The following CAPZB variants were observed in gnomAD, a reference collection of about 807,000 sequenced individuals.
CAPZB encodes capping actin protein of muscle Z-line subunit beta.
In CAPZB, 2 loss-of-function variants were observed where a neutral mutation model predicts 38.1. The ratio of observed to expected loss-of-function variants is 0.05; its 90% CI spans 0.02 to 0.17. CAPZB has a LOEUF of 0.17. Ranked by LOEUF, CAPZB falls within the 10% of genes least tolerant of loss-of-function variation. CAPZB has a pLI of 1.00. For synonymous variants in CAPZB, 107 were observed against 127.4 expected, an observed-to-expected ratio of 0.84 and a Z score of 1.08; for missense variants, 161 against 334.2, an observed-to-expected ratio of 0.48 and a Z score of 4.04.
At chr1:19,436,106 GT>G (rs1444590969) in intron 1 of CAPZB, among the ~76,000 whole-genome samples, 1 of 152,274 alleles carries the variant, frequency 6.6e-6, no homozygotes, top group Non-Finnish European at 1.5e-5. Flanking sequence ...CTGCAGTTTT[GT>G]TTTTTGGCAG....
intron 2 of CAPZB, among the ~76,000 whole-genome samples, chr1:19,402,979 G>A (rs2094311227): frequency 6.6e-6 from 1 of 152,114 alleles, no homozygotes; most frequent in East Asian, 1.9e-4. Context: ...AACCAGGGAG[G>A]CAGAGGTTGC....
In CAPZB at chr1:19,346,987, C is replaced by CTT. The variant is rs1328235103; in HGVS notation, c.589-1737_589-1736dup. ...TACAGGTGCCCACCACCACGTCCGG[C>CTT]TTTTTTTTATTTTTATTTTTATTTT... On this transcript the variant is annotated intron_variant, in intron 6 of 8. Transcript: ENST00000264202. Among the ~76,000 whole-genome samples, 169 of 149,218 alleles carry CTT rather than the reference C, an allele frequency of 1.1e-3. 1 individual carries two copies. The highest frequency in any genetic ancestry group is 4.1e-3 in the African/African-American group (164 of 40,358).
chr1:19,399,649 A>C (rs2094292394), intron 2 of CAPZB, among the ~76,000 whole-genome samples: 1 of 152,180 alleles, frequency 6.6e-6, no homozygotes, highest in Non-Finnish European at 1.5e-5. Flanking sequence ...GGCTGTGAGT[A>C]CAGAGGGAGG....
At chr1:19,468,749 C>T (rs1159926515) in intron 1 of CAPZB, among the ~76,000 whole-genome samples, 1 of 152,130 alleles carries the variant, frequency 6.6e-6, no homozygotes, top group Non-Finnish European at 1.5e-5. Flanking sequence ...TAGTCATTTC[C>T]CCAGCACCCG....
intron 2 of CAPZB, among the ~76,000 whole-genome samples, chr1:19,412,595 T>C (rs934843291): frequency 5.9e-5 from 9 of 152,194 alleles, no homozygotes; most frequent in South Asian, 2.1e-4. Context: ...AAACAATTTT[T>C]AAATAAGACA....
chr1:19,417,104 C>T (rs112681830), intron 2 of CAPZB, among the ~76,000 whole-genome samples: 6 of 152,046 alleles, frequency 3.9e-5, no homozygotes, highest in Non-Finnish European at 7.4e-5. Context: ...AGGGAAAACC[C>T]GCACGGGCAG....
intron 2 of CAPZB, among the ~76,000 whole-genome samples, chr1:19,392,649 G>A (rs748620037): frequency 2.6e-5 from 4 of 151,962 alleles, no homozygotes; most frequent in Non-Finnish European, 5.9e-5. Context: ...AAAATAGCCA[G>A]GCATGGTGGC....
chr1:19,348,065 G>A (rs1214119383), intron 6 of CAPZB, among the ~76,000 whole-genome samples: 2 of 152,138 alleles, frequency 1.3e-5, no homozygotes, highest in Non-Finnish European at 2.9e-5. Flanking sequence ...GTCGCTACTA[G>A]GAAAGCTTTT....
intron 1 of CAPZB, among the ~76,000 whole-genome samples, chr1:19,433,418 C>T (rs2094448687): frequency 6.6e-6 from 1 of 152,082 alleles, no homozygotes; most frequent in Non-Finnish European, 1.5e-5. Context: ...AAGTAAACTC[C>T]TTTTTTCATA....
intron 6 of CAPZB, among the ~76,000 whole-genome samples, chr1:19,349,831 G>A (rs774471005): frequency 3.1e-4 from 47 of 152,094 alleles, no homozygotes; most frequent in Non-Finnish European, 6.3e-4. Context: ...CGGTGCACCC[G>A]GCCGTATTTC....
chr1:19,484,638 AAAG>A, intron 1 of CAPZB: 1 of 1,170,570 alleles, frequency 8.5e-7, no homozygotes, highest in Non-Finnish European at 1.1e-6. Flanking sequence ...CAAAGGCTGC[AAAG>A]AAGGCGCGCC....
chr1:19,389,725 C>T (rs569764309), intron 2 of CAPZB, among the ~76,000 whole-genome samples: 6 of 152,324 alleles, frequency 3.9e-5, no homozygotes, highest in Admixed American at 3.9e-4. Flanking sequence ...TGCGCCTGGC[C>T]AGGCCATGTA....
chr1:19,416,860 C>CAAAAAAAAAA lies in CAPZB; in HGVS notation c.93+2791_93+2800dup, dbSNP rs59789230. Among the ~76,000 whole-genome samples, 98 of 69,426 alleles carry CAAAAAAAAAA rather than the reference C, an allele frequency of 1.4e-3. 12 individuals are homozygous for CAAAAAAAAAA. Among genetic ancestry groups the CAAAAAAAAAA allele is most frequent in the African/African-American group, 3.8e-3 (64 of 16,794 alleles). 45.5% of individuals were successfully genotyped at this position (69,426 alleles called of 152,430 possible). A position where few individuals can be genotyped will look rare whatever the true frequency, so the allele number is the denominator to read the frequency against. On this transcript the variant is annotated intron_variant, in intron 2 of 8. Coordinates refer to ENST00000264202, the MANE Select transcript of CAPZB (RefSeq NM_004930.5). ...TGGGTGACAGAGCAAGACCCTGTCT[C>CAAAAAAAAAA]AAAAAAAAAAAAAAAAAAAAAAAAA...
rs1006387693 is a variant in CAPZB, at chr1:19,392,570, G to A, written c.94-6944C>T. ...AAAGGCCAGCTGCGGTGGCTCGCTT[G>A]AGATCAAGAGTTCGAGACCAGCCTG... On this transcript the variant is annotated intron_variant, in intron 2 of 8. Transcript: ENST00000264202. 4.0e-5 allele frequency among the ~76,000 whole-genome samples: 6 copies of A among 149,958 alleles called. No individual in the cohort carries two copies. The East Asian group carries it at 7.8e-4, about 20-fold the overall frequency.
intron 3 of CAPZB, 33 bp downstream of exon 3, chr1:19,385,472 T>A: frequency 6.2e-7 from 1 of 1,611,214 alleles, no homozygotes; most frequent in Non-Finnish European, 8.5e-7. Context: ...GTGTGCCTGC[T>A]GTGCCTGCTG....
chr1:19,454,349 T>C (rs945779919), intron 1 of CAPZB, among the ~76,000 whole-genome samples: 5 of 152,192 alleles, frequency 3.3e-5, no homozygotes, highest in Non-Finnish European at 7.3e-5. Context: ...GTTTGTCCCA[T>C]CAGGTCCCCT....
intron 4 of CAPZB, among the ~76,000 whole-genome samples, chr1:19,360,024 G>A (rs1000082716): frequency 1.6e-4 from 25 of 152,200 alleles, no homozygotes; most frequent in African/African-American, 6.0e-4. Context: ...CACAGAGTTG[G>A]AGAGATCAGG....
intron 1 of CAPZB, among the ~76,000 whole-genome samples, chr1:19,457,966 G>GT (rs1426527119): frequency 6.6e-6 from 1 of 152,158 alleles, no homozygotes; most frequent in Non-Finnish European, 1.5e-5. Flanking sequence ...AATGATGGTT[G>GT]TAAGGACTTC....
chr1:19,342,868 C>T (rs560404579), intron 8 of CAPZB: 3 of 1,562,790 alleles, frequency 1.9e-6, no homozygotes, highest in South Asian at 2.2e-5. Flanking sequence ...AATAGATCTA[C>T]AGAGAGTGTT....
Sources: allele counts gnomAD v4.1 joint callset (sites outside exome capture counted in the v4.1 genomes callset), GRCh38; gene constraint gnomAD v4.1.1; transcripts MANE v1.5; gene names NCBI Gene and HGNC (gene_info 2026-07-23, HGNC 2026-07-21).